Variants in ROBO1 observed in about 807,000 individuals in gnomAD.
The protein encoded by ROBO1 is roundabout homolog 1.
In ROBO1, 149 loss-of-function variants were observed where a neutral mutation model predicts 195.9. The ratio of observed to expected loss-of-function variants is 0.76; its 90% CI spans 0.67 to 0.87. The LOEUF (loss-of-function observed/expected upper bound fraction) is 0.87. Ranked by LOEUF, ROBO1 falls within the 40% of genes least tolerant of loss-of-function variation. ROBO1 has a pLI of 0.00. For synonymous variants in ROBO1, 816 were observed against 733.2 expected, an observed-to-expected ratio of 1.11 and a Z score of -1.82; for missense variants, 1,933 against 2,068.3, an observed-to-expected ratio of 0.93 and a Z score of 1.27.
Position 78,987,212 on chromosome 3 carries a change from A to T in ROBO1, c.173-48285T>A, listed in dbSNP as rs374762855. Among the ~76,000 whole-genome samples, 16 of 151,952 alleles carry T rather than the reference A, an allele frequency of 1.1e-4. No homozygotes were observed. In the South Asian group the frequency reaches 2.9e-3, roughly 28 times the overall value. The stretch of plus-strand genomic sequence containing the variant: ...ACGTTTTAAAAAAGAAGAAGAAAAA[A>T]GAAAGAGTAAGATATTTAGAAATAG... On this transcript the variant is annotated intron_variant, in intron 3 of 30. Coordinates refer to ENST00000464233, the MANE Select transcript of ROBO1 (RefSeq NM_002941.4).
intron 26 of ROBO1, among the ~76,000 whole-genome samples, chr3:78,619,298 T>TG (rs1263840590): frequency 6.6e-6 from 1 of 151,928 alleles, no homozygotes; most frequent in Non-Finnish European, 1.5e-5. Flanking sequence ...GGTCATCTGG[T>TG]GACCTCCACA....
intron 1 of ROBO1, among the ~76,000 whole-genome samples, chr3:79,590,869 T>C (rs544022865): frequency 1.7e-4 from 26 of 151,890 alleles, no homozygotes; most frequent in Non-Finnish European, 3.1e-4. Context: ...CATGATATAA[T>C]GACATATTTA....
At chr3:79,511,399 A>G (rs774639569) in intron 2 of ROBO1, among the ~76,000 whole-genome samples, 9 of 152,182 alleles carry the variant, frequency 5.9e-5, no homozygotes, top group Non-Finnish European at 8.8e-5. Flanking sequence ...ATATATTAGT[A>G]AATTTCTCTA....
intron 2 of ROBO1, among the ~76,000 whole-genome samples, chr3:79,385,231 C>T (rs2036700232): frequency 6.6e-6 from 1 of 152,098 alleles, no homozygotes; most frequent in African/African-American, 2.4e-5. Flanking sequence ...CTAATGCATA[C>T]TATGTCAATA....
intron 1 of ROBO1, among the ~76,000 whole-genome samples, chr3:79,601,115 C>A (rs756084629): frequency 2.0e-5 from 3 of 151,834 alleles, no homozygotes; most frequent in Non-Finnish European, 4.4e-5. Context: ...ATGTTCATCC[C>A]AGAAGTGAAC....
chr3:78,859,180 A>T (rs2034637817), intron 4 of ROBO1, among the ~76,000 whole-genome samples: 1 of 152,174 alleles, frequency 6.6e-6, no homozygotes, highest in African/African-American at 2.4e-5. Flanking sequence ...TTACCGATAG[A>T]GCTGGAGTGT....
At chr3:78,671,595 TA>T (rs550299173) in intron 10 of ROBO1, among the ~76,000 whole-genome samples, 2,273 of 135,994 alleles carry the variant, frequency 0.017, 13 homozygotes, top group Admixed American at 0.019. Flanking sequence ...GCATGCAAAC[TA>T]AAAAAAAAAA....
intron 2 of ROBO1, among the ~76,000 whole-genome samples, chr3:79,548,414 G>A (rs1018743575): frequency 1.3e-5 from 2 of 152,194 alleles, no homozygotes; most frequent in African/African-American, 4.8e-5. Flanking sequence ...AATTGTTTGT[G>A]AAGAGAAATC....
chr3:79,624,169 G>A (rs773513730), intron 1 of ROBO1, among the ~76,000 whole-genome samples: 1 of 152,018 alleles, frequency 6.6e-6, no homozygotes, highest in Non-Finnish European at 1.5e-5. Context: ...TTACCACCAG[G>A]CCTACCATGC....
chr3:78,760,013 G>C (rs989646547), intron 4 of ROBO1, among the ~76,000 whole-genome samples: 1 of 152,122 alleles, frequency 6.6e-6, no homozygotes, highest in Non-Finnish European at 1.5e-5. Context: ...GAGGAACCCA[G>C]TGGGAGATAA....
chr3:79,638,150 G>T (rs1287319347), intron 1 of ROBO1, among the ~76,000 whole-genome samples: 1 of 152,102 alleles, frequency 6.6e-6, no homozygotes, highest in Non-Finnish European at 1.5e-5. Flanking sequence ...ACTAAAGTTG[G>T]CATAGGGCAT....
intron 2 of ROBO1, among the ~76,000 whole-genome samples, chr3:79,203,772 T>C (rs2081812129): frequency 6.6e-6 from 1 of 152,176 alleles, no homozygotes; most frequent in Non-Finnish European, 1.5e-5. Flanking sequence ...GCACCAGAGG[T>C]GCAGAGGATT....
intron 2 of ROBO1, among the ~76,000 whole-genome samples, chr3:79,487,507 G>A (rs983232185): frequency 5.9e-5 from 9 of 152,112 alleles, no homozygotes; most frequent in Admixed American, 2.6e-4. Flanking sequence ...GAACCACTGC[G>A]CCGAGCCAAC....
chr3:79,501,827 T>G (rs1040307946), intron 2 of ROBO1, among the ~76,000 whole-genome samples: 7 of 152,238 alleles, frequency 4.6e-5, no homozygotes, highest in African/African-American at 1.7e-4. Context: ...CAAGGCCATG[T>G]GATCTCCACT....
chr3:79,127,571 T>C (rs769294083), intron 2 of ROBO1, among the ~76,000 whole-genome samples: 2 of 152,238 alleles, frequency 1.3e-5, no homozygotes, highest in African/African-American at 2.4e-5. Flanking sequence ...ACAAATACTA[T>C]ACAGATTCAT....
chr3:78,768,578 T>G (rs912087785), intron 4 of ROBO1, among the ~76,000 whole-genome samples: 11 of 152,094 alleles, frequency 7.2e-5, no homozygotes, highest in African/African-American at 2.7e-4. Flanking sequence ...TGATTGTGTG[T>G]CTGGTATGTT....
intron 1 of ROBO1, among the ~76,000 whole-genome samples, chr3:79,676,140 C>G (rs1946778035): frequency 6.6e-6 from 1 of 151,852 alleles, no homozygotes; most frequent in South Asian, 2.1e-4. Flanking sequence ...CTTTTATCTC[C>G]TACAGACTAA....
Position 79,572,830 on chromosome 3 carries a change from G to A in ROBO1, c.88+16994C>T, listed in dbSNP as rs1274541562. ...TTCTGGCAGAAAATAGACTGGTTTG[G>A]TCCGGGAGGCCTCGTACGTTTTTAA... On this transcript the variant is annotated intron_variant, in intron 2 of 30. Coordinates refer to ENST00000464233, the MANE Select transcript of ROBO1 (RefSeq NM_002941.4). Among the ~76,000 whole-genome samples the A allele has an allele frequency of 2.6e-5, 4 of 152,044 alleles. No homozygotes were observed. The East Asian group carries it at 7.7e-4, about 29-fold the overall frequency.
intron 5 of ROBO1, among the ~76,000 whole-genome samples, chr3:78,724,995 C>G (rs2082129710): frequency 6.6e-6 from 1 of 152,186 alleles, no homozygotes; most frequent in South Asian, 2.1e-4. Context: ...ATGTTAAACA[C>G]TGAACTGCTG....
Sources: allele counts gnomAD v4.1 joint callset (sites outside exome capture counted in the v4.1 genomes callset), GRCh38; gene constraint gnomAD v4.1.1; transcripts MANE v1.5; gene names NCBI Gene and HGNC (gene_info 2026-07-23, HGNC 2026-07-21).